Variants in COL27A1 observed in about 807,000 individuals in gnomAD.
The protein encoded by COL27A1 is collagen type XXVII alpha 1 chain.
COL27A1 carries 106 observed loss-of-function variants against 251.3 expected under a neutral mutation model. The observed-to-expected ratio is 0.42, with a 90% CI of 0.36 to 0.50. The LOEUF (loss-of-function observed/expected upper bound fraction) is 0.50, where lower values mean the gene tolerates loss of function less well. Among genes scored for constraint, COL27A1 ranks in the 20% least tolerant of loss-of-function variants. COL27A1 has a pLI of 0.00. For synonymous variants in COL27A1, 1,000 were observed against 986.3 expected, an observed-to-expected ratio of 1.01 and a Z score of -0.26; for missense variants, 2,325 against 2,522.8, an observed-to-expected ratio of 0.92 and a Z score of 1.68.
chr9:114,239,460 C>T (rs2135470485), intron 19 of COL27A1, among the ~76,000 whole-genome samples: 1 of 152,282 alleles, frequency 6.6e-6, no homozygotes, highest in East Asian at 1.9e-4. Flanking sequence ...AAGGAACTTG[C>T]CCAGGGTCAC....
intron 3 of COL27A1, among the ~76,000 whole-genome samples, chr9:114,171,946 C>T (rs752749870): frequency 3.3e-5 from 5 of 152,188 alleles, no homozygotes; most frequent in East Asian, 1.9e-4. Context: ...AGGCTCCCAG[C>T]GTGTTCCTGA....
intron 41 of COL27A1, among the ~76,000 whole-genome samples, chr9:114,285,902 G>T (rs906112332): frequency 3.9e-5 from 6 of 152,224 alleles, no homozygotes; most frequent in Non-Finnish European, 4.4e-5. Flanking sequence ...CACCAAATCT[G>T]CCCTAAGGCT....
At chr9:114,176,790 C>CCTTGGTACCCATATCTGCCTGTCTGGAT (rs1827489807) in intron 3 of COL27A1, among the ~76,000 whole-genome samples, 1 of 152,180 alleles carries the variant, frequency 6.6e-6, no homozygotes, top group African/African-American at 2.4e-5. Flanking sequence ...GGGCTCTTGC[C>CCTTGGTACCCATATCTGCCTGTCTGGAT]CAGTGACCTT....
At chr9:114,200,971 C>G (rs1217403171) in intron 7 of COL27A1, among the ~76,000 whole-genome samples, 1 of 152,144 alleles carries the variant, frequency 6.6e-6, no homozygotes. Flanking sequence ...GTCCCTAGGA[C>G]CCCCAGGCAA....
chr9:114,163,128 G>C (rs111918444), intron 2 of COL27A1, among the ~76,000 whole-genome samples: 7 of 152,226 alleles, frequency 4.6e-5, no homozygotes, highest in African/African-American at 1.7e-4. Context: ...CAGCTACTCG[G>C]GAGGCTGAGG....
At position 114,282,333 on chromosome 9, in the gene COL27A1, A is replaced by G. The variant is rs1313912333; in HGVS notation, c.3771+3A>G. The G allele has an allele frequency of 2.5e-6, 4 of 1,613,860 alleles. No homozygotes were observed. Among genetic ancestry groups the G allele is most frequent in the Non-Finnish European group, 3.4e-6 (4 of 1,179,976 alleles). Reference sequence around the variant, plus strand: ...AGAAGGGCCGCACTGGAGCCAAGGTAGGTGTCCCCTTCTGACTTGATAGGC... The same window carrying G: ...AGAAGGGCCGCACTGGAGCCAAGGTGGGTGTCCCCTTCTGACTTGATAGGC... On this transcript the variant is annotated splice_donor_region_variant and intron_variant, in intron 38 of 60. Transcript: ENST00000356083.
chr9:114,168,777 C>G lies in COL27A1; in HGVS notation c.1222C>G (p.Pro408Ala). The G allele has an allele frequency of 6.2e-7, 1 of 1,614,036 alleles. No individual in the cohort carries two copies. Among genetic ancestry groups the G allele is most frequent in the Non-Finnish European group, 8.5e-7 (1 of 1,180,026 alleles). ...KSALPTQKQVPPTSRPVPARV... is the reference protein window; with the variant it reads ...KSALPTQKQVAPTSRPVPARV... ...AGCCCTACCCACTCAGAAGCAAGTGCCACCTACTTCCCGTCCAGTTCCTGC... is the reference window on the plus strand; with the variant it reads ...AGCCCTACCCACTCAGAAGCAAGTGGCACCTACTTCCCGTCCAGTTCCTGC... The change falls in exon 3 of 61, where the codon CCA (proline) becomes GCA (alanine). Residue 408 changes from proline (P) to alanine (A), a missense_variant. This residue lies in a region of COL27A1 where 1,183 missense variants were observed against 1,144.1 expected (regional missense o/e 1.03). Transcript: ENST00000356083.
In COL27A1 at chr9:114,290,232, G is replaced by A. The variant is rs1827817678; in HGVS notation, c.4269G>A (p.Gln1423=). The A allele has an allele frequency of 1.9e-6, 3 of 1,570,044 alleles. No individual in the cohort carries two copies. Among genetic ancestry groups the A allele is most frequent in the African/African-American group, 2.7e-5 (2 of 74,290 alleles). ...APGRRGVQGL[Q]GLPGPRGVVG... The stretch of plus-strand genomic sequence containing the variant: ...TTTTATGTACCCCCCAGGGCCTGCA[G>A]GGGCTGCCAGGGCCCCGGGGCGTGG... The change falls in exon 47 of 61, where the codon CAG becomes CAA. Residue 1423 remains glutamine, a synonymous_variant. Transcript: ENST00000356083. This position sits in a 1 kb window ranked among gnomAD's most constrained non-coding sequence, Gnocchi z 4.6.
chr9:114,173,930 T>G (rs1303857370), intron 3 of COL27A1, among the ~76,000 whole-genome samples: 1 of 149,618 alleles, frequency 6.7e-6, no homozygotes, highest in Non-Finnish European at 1.5e-5. Context: ...TGGATAAGAG[T>G]GTCATGACAC....
chr9:114,180,779 T>C (rs1033602983), intron 4 of COL27A1, among the ~76,000 whole-genome samples: 15 of 152,142 alleles, frequency 9.9e-5, no homozygotes, highest in Non-Finnish European at 1.9e-4. Context: ...TTGGTCTGCT[T>C]GGCTTTCAGT....
intron 36 of COL27A1, chr9:114,274,251 C>T (rs895729250): frequency 6.6e-6 from 1 of 151,316 alleles, no homozygotes; most frequent in African/African-American, 2.4e-5. Context: ...AAAAAAAGCC[C>T]ATGCCAAGGG....
In COL27A1 at chr9:114,290,393, C is replaced by T. The variant is rs761107441; in HGVS notation, c.4368+62C>T. 2.1e-6 allele frequency: 3 copies of T among 1,411,208 alleles called. No individual in the cohort carries two copies. The highest frequency in any genetic ancestry group is 2.9e-6 in the Non-Finnish European group (3 of 1,020,290). 87.4% of individuals were successfully genotyped at this position (1,411,208 alleles called of 1,614,324 possible). A position where few individuals can be genotyped will look rare whatever the true frequency, so the allele number is the denominator to read the frequency against. On this transcript the variant is annotated intron_variant, in intron 47 of 60. Transcript: ENST00000356083. The surrounding 1 kb of genome is among the most constrained non-coding windows in gnomAD (Gnocchi z 4.6). ...TTTGGGACCAGGTGTAGGGGAACTT[C>T]CCCAGGCCATGGGCCAGAGGAGCCC...
intron 34 of COL27A1, 83 bp from the exon 35 acceptor site, chr9:114,269,158 A>C: frequency 1.9e-5 from 17 of 912,938 alleles, no homozygotes; most frequent in Non-Finnish European, 2.5e-5. Context: ...CCCCAAAGTC[A>C]GAGCTGGTGG....
At chr9:114,301,539 C>A in intron 54 of COL27A1, 77 bp downstream of exon 54, 1 of 1,559,670 alleles carries the variant, frequency 6.4e-7, no homozygotes, top group Non-Finnish European at 8.7e-7. Flanking sequence ...GTGGTACATT[C>A]TCTCCCTCCG....
chr9:114,186,037 C>T (rs777112537), intron 5 of COL27A1, among the ~76,000 whole-genome samples: 6 of 152,204 alleles, frequency 3.9e-5, no homozygotes, highest in Non-Finnish European at 8.8e-5. Flanking sequence ...GCCTAGATCA[C>T]GGCTGGGCAG....
chr9:114,193,438 C>G (rs575352337), intron 5 of COL27A1, among the ~76,000 whole-genome samples: 1 of 152,200 alleles, frequency 6.6e-6, no homozygotes, highest in South Asian at 2.1e-4. Flanking sequence ...ATGGGGGACT[C>G]ACTGCTTGTC....
chr9:114,280,718 T>C (rs1203577422), intron 37 of COL27A1, among the ~76,000 whole-genome samples: 1 of 152,196 alleles, frequency 6.6e-6, no homozygotes, highest in Non-Finnish European at 1.5e-5. Flanking sequence ...CAGTCTGTGC[T>C]GAGGTCCTTC....
intron 19 of COL27A1, 137 bp from the exon 20 acceptor site, chr9:114,240,083 A>G: frequency 1.3e-6 from 1 of 772,470 alleles, no homozygotes; most frequent in Non-Finnish European, 2.3e-6. Context: ...TGTGGGATCA[A>G]GGTGGTTAAC....
Position 114,168,931 on chromosome 9 carries a change from G to C in COL27A1, c.1376G>C (p.Arg459Pro), listed in dbSNP as rs141804767. Residue 459 changes from arginine (R) to proline (P), a missense_variant, in exon 3 of 61, where the codon CGG becomes CCG. Transcript: ENST00000356083. ...AAAAAACCCATTCCCACACTAGCTC[G>C]GACTGAGGCCAAGATAACCAGCCAT... ...SSKKPIPTLA[R>P]TEAKITSHAS... 6.2e-7 allele frequency: 1 copy of C among 1,613,924 alleles called. No individual in the cohort carries two copies. The highest frequency in any genetic ancestry group is 8.5e-7 in the Non-Finnish European group (1 of 1,179,974).
Sources: gnomAD v4.1 joint callset for allele counts (sites outside exome capture counted in the v4.1 genomes callset) on GRCh38, gnomAD v4.1.1 for gene constraint, gnomAD v4.1.1 regional missense constraint, Gnocchi (gnomAD v3.1) non-coding constraint, MANE v1.5 for transcripts, NCBI Gene and HGNC (gene_info 2026-07-23, HGNC 2026-07-21) for gene names.